Variants in ADCY2 observed in about 807,000 individuals in gnomAD.
The protein encoded by ADCY2 is adenylate cyclase type 2.
In ADCY2, 31 loss-of-function variants were observed where a neutral mutation model predicts 125.2. That is an observed-to-expected ratio of 0.25 (90% CI 0.19 to 0.33). The LOEUF (loss-of-function observed/expected upper bound fraction) is 0.33. ADCY2 is among the 10% of genes least tolerant of loss of function. ADCY2 has a pLI of 1.00. For missense variants in ADCY2, 904 were observed against 1,418.2 expected (o/e 0.64, Z 5.82); for synonymous variants, 512 against 548.4 (o/e 0.93, Z 0.93).
At chr5:7,528,487 C>T (rs1002802185) in intron 3 of ADCY2, among the ~76,000 whole-genome samples, 2 of 152,108 alleles carry the variant, frequency 1.3e-5, no homozygotes, top group African/African-American at 4.8e-5. Context: ...ATTGGGAGAA[C>T]AGAGGTACAG....
chr5:7,513,770 T>A (rs1744163264), intron 2 of ADCY2, among the ~76,000 whole-genome samples: 1 of 152,230 alleles, frequency 6.6e-6, no homozygotes, highest in South Asian at 2.1e-4. Flanking sequence ...TTCCTGTGGT[T>A]TTTGGTAAAA....
chr5:7,720,942 T>G (rs972093889), intron 12 of ADCY2, among the ~76,000 whole-genome samples: 2 of 152,218 alleles, frequency 1.3e-5, no homozygotes, highest in African/African-American at 4.8e-5. Context: ...AAATGGAATT[T>G]CTAGTTCTAG....
intron 3 of ADCY2, among the ~76,000 whole-genome samples, chr5:7,611,401 A>T (rs998934822): frequency 1.3e-5 from 2 of 152,194 alleles, no homozygotes; most frequent in South Asian, 2.1e-4. Flanking sequence ...TAAGGTCCTT[A>T]AAAAATTGGT....
chr5:7,518,373 G>T (rs767055348), intron 2 of ADCY2, among the ~76,000 whole-genome samples: 1 of 152,108 alleles, frequency 6.6e-6, no homozygotes, highest in Non-Finnish European at 1.5e-5. Context: ...TGCCTGATAT[G>T]TCTTCCCAGC....
chr5:7,429,953 G>A (rs1022259504), intron 2 of ADCY2, among the ~76,000 whole-genome samples: 4 of 151,500 alleles, frequency 2.6e-5, no homozygotes, highest in African/African-American at 9.7e-5. Flanking sequence ...AGTAAAATTG[G>A]TGAAACTCTA....
At chr5:7,513,705 CAAT>C (rs1211392185) in intron 2 of ADCY2, among the ~76,000 whole-genome samples, 4 of 152,128 alleles carry the variant, frequency 2.6e-5, no homozygotes, top group Admixed American at 6.5e-5. Context: ...TCTGCAACAA[CAAT>C]GAGATACAAT....
intron 3 of ADCY2, among the ~76,000 whole-genome samples, chr5:7,545,549 T>C (rs1735122016): frequency 6.6e-6 from 1 of 152,150 alleles, no homozygotes; most frequent in Admixed American, 6.5e-5. Context: ...TTCCAGTGAA[T>C]GAACACTTTG....
chr5:7,654,033 C>A (rs759916802), intron 4 of ADCY2: 1 of 456,076 alleles, frequency 2.2e-6, no homozygotes, highest in Non-Finnish European at 4.4e-6. Context: ...CTGCGCTGGG[C>A]CAGAGATCTG....
At chr5:7,469,859 TTTTA>T (rs1214966433) in intron 2 of ADCY2, among the ~76,000 whole-genome samples, 5 of 151,778 alleles carry the variant, frequency 3.3e-5, no homozygotes, top group Non-Finnish European at 5.9e-5. Context: ...TTATTTATTT[TTTTA>T]TTTATTCATT....
At position 7,567,929 on chromosome 5, in the gene ADCY2, TTCTCTCTC is replaced by T. The variant is rs10590625; in HGVS notation, c.570+47056_570+47063del. Among the ~76,000 whole-genome samples, 188 of 146,556 alleles carry T rather than the reference TTCTCTCTC, an allele frequency of 1.3e-3. 1 individual carries two copies. Among genetic ancestry groups the T allele is most frequent in the Middle Eastern group, 6.9e-3 (2 of 290 alleles). ...AACAAAGTGCTCTGTCGTCCTCTCT[TTCTCTCTC>T]TCTCTCTCTCTCTCTCTCTCTCTCT... On this transcript the variant is annotated intron_variant, in intron 3 of 24. Transcript: ENST00000338316.
At chr5:7,789,056 G>A (rs1744171745) in intron 19 of ADCY2, among the ~76,000 whole-genome samples, 1 of 152,140 alleles carries the variant, frequency 6.6e-6, no homozygotes, top group South Asian at 2.1e-4. Flanking sequence ...TTTACTAACA[G>A]GCACTATCTT....
At chr5:7,518,990 C>A (rs1397471705) in intron 2 of ADCY2, among the ~76,000 whole-genome samples, 1 of 152,136 alleles carries the variant, frequency 6.6e-6, no homozygotes, top group Non-Finnish European at 1.5e-5. Context: ...TTCTTCAGGT[C>A]GGAGTGCCTT....
chr5:7,621,307 A>G (rs941607492), intron 3 of ADCY2, among the ~76,000 whole-genome samples: 7 of 152,348 alleles, frequency 4.6e-5, no homozygotes, highest in African/African-American at 1.7e-4. Context: ...GTCTCCAAGA[A>G]CTTAACATAA....
chr5:7,406,025 AT>A lies in ADCY2; in HGVS notation c.211-8536del, dbSNP rs111642610. Among the ~76,000 whole-genome samples the A allele has an allele frequency of 3.2e-3, 461 of 145,720 alleles. 1 individual carries two copies. The highest frequency in any genetic ancestry group is 7.2e-3 in the South Asian group (33 of 4,578). On this transcript the variant is annotated intron_variant, in intron 1 of 24. Transcript: ENST00000338316. Reference sequence around the variant, plus strand: ...AGGTGTGTGCCACCGTGCCCTACTAATTTTTTTTTTTTCTTGTAGAGATGGA... The same window carrying A: ...AGGTGTGTGCCACCGTGCCCTACTAATTTTTTTTTTTCTTGTAGAGATGGA...
At chr5:7,549,425 C>T (rs1362697068) in intron 3 of ADCY2, among the ~76,000 whole-genome samples, 1 of 152,202 alleles carries the variant, frequency 6.6e-6, no homozygotes, top group Non-Finnish European at 1.5e-5. Flanking sequence ...ATACTTTAGC[C>T]AAACTTTATG....
chr5:7,747,920 C>T (rs1742680508), intron 15 of ADCY2, among the ~76,000 whole-genome samples: 1 of 152,200 alleles, frequency 6.6e-6, no homozygotes, highest in South Asian at 2.1e-4. Flanking sequence ...TTTCCTGGTA[C>T]CACTGCTCAG....
rs545475665 is a variant in ADCY2 at position 7,608,487 on chromosome 5, A to G, written c.571-17680A>G. Among the ~76,000 whole-genome samples, 10 of 152,270 alleles carry G rather than the reference A, an allele frequency of 6.6e-5. No individual in the cohort carries two copies. The South Asian group carries it at 8.3e-4, about 13-fold the overall frequency. Reference sequence around the variant, plus strand: ...GCTACTTGGGAGATTGAGGCATGAGAATTGCTTGAACCCAGGAGGAGGAGG... The same window carrying G: ...GCTACTTGGGAGATTGAGGCATGAGGATTGCTTGAACCCAGGAGGAGGAGG... On this transcript the variant is annotated intron_variant, in intron 3 of 24. Coordinates refer to ENST00000338316, the MANE Select transcript of ADCY2 (RefSeq NM_020546.3).
At chr5:7,402,408 A>C (rs1014951117) in intron 1 of ADCY2, among the ~76,000 whole-genome samples, 1 of 152,200 alleles carries the variant, frequency 6.6e-6, no homozygotes, top group African/African-American at 2.4e-5. Flanking sequence ...TGTTTGTTCA[A>C]CTGTTTTTGG....
intron 2 of ADCY2, among the ~76,000 whole-genome samples, chr5:7,493,951 C>T (rs546133457): frequency 2.0e-5 from 3 of 152,034 alleles, no homozygotes; most frequent in Non-Finnish European, 4.4e-5. Flanking sequence ...CGCTCTCTCC[C>T]CGGTCCCGGT....
Sources: allele counts gnomAD v4.1 joint callset (sites outside exome capture counted in the v4.1 genomes callset), GRCh38; gene constraint gnomAD v4.1.1; transcripts MANE v1.5; gene names NCBI Gene and HGNC (gene_info 2026-07-23, HGNC 2026-07-21).